The following DCLK1 variants were observed in gnomAD, a reference collection of about 807,000 sequenced individuals.
The protein encoded by DCLK1 is serine/threonine-protein kinase DCLK1.
DCLK1 carries 16 observed loss-of-function variants against 86.2 expected under a neutral mutation model. The ratio of observed to expected loss-of-function variants is 0.19; its 90% confidence interval spans 0.13 to 0.28. The LOEUF (loss-of-function observed/expected upper bound fraction) is 0.28. Among genes scored for constraint, DCLK1 ranks in the 10% least tolerant of loss-of-function variants. DCLK1 has a pLI of 1.00. For missense variants in DCLK1, 590 were observed against 940.2 expected (o/e 0.63, Z 4.87); for synonymous variants, 369 against 370.5 (o/e 1.00, Z 0.05).
At chr13:35,946,812 C>T (rs1318774244) in intron 4 of DCLK1, among the ~76,000 whole-genome samples, 1 of 152,146 alleles carries the variant, frequency 6.6e-6, no homozygotes, top group African/African-American at 2.4e-5. Flanking sequence ...CTCTTTATAA[C>T]CATCCCCTCT....
At chr13:36,127,005 T>C (rs573457769) in intron 1 of DCLK1, among the ~76,000 whole-genome samples, 24 of 152,256 alleles carry the variant, frequency 1.6e-4, no homozygotes, top group South Asian at 4.1e-4. Context: ...GGGCTAATCC[T>C]GGTAGCAGGA....
chr13:35,873,613 T>C lies in DCLK1; in HGVS notation c.824-2273A>G, dbSNP rs540754474. On this transcript the variant is annotated intron_variant, in intron 4 of 16. Transcript: ENST00000360631. ...GTTGGCCAGGCTGGTTTCAAACTCC[T>C]GACCTCAAATGATCCACCCACCTCA... is the stretch of plus-strand genomic sequence containing the variant. 3.9e-5 allele frequency among the ~76,000 whole-genome samples: 6 copies of C among 152,200 alleles called. No individual in the cohort carries two copies. In the South Asian group the frequency reaches 1.2e-3, roughly 32 times the overall value.
intron 4 of DCLK1, among the ~76,000 whole-genome samples, chr13:35,942,735 G>T (rs1023395493): frequency 2.0e-5 from 3 of 152,100 alleles, no homozygotes; most frequent in African/African-American, 7.2e-5. Flanking sequence ...TTAGTCCAAG[G>T]GACTTCAAGA....
At chr13:36,045,360 A>ATATG (rs1555358852) in intron 3 of DCLK1, among the ~76,000 whole-genome samples, 1 of 91,482 alleles carries the variant, frequency 1.1e-5, no homozygotes, top group Non-Finnish European at 2.4e-5. Flanking sequence ...ATATATATAT[A>ATATG]TATATATATA....
At chr13:35,847,996 T>A in intron 6 of DCLK1, 2 of 985,298 alleles carry the variant, frequency 2.0e-6, no homozygotes, top group Non-Finnish European at 2.4e-6. Flanking sequence ...TTTTAACTTT[T>A]GCACTTCTAA....
chr13:36,117,733 G>A (rs1157280133), intron 2 of DCLK1, among the ~76,000 whole-genome samples: 1 of 152,192 alleles, frequency 6.6e-6, no homozygotes. Context: ...ATAGGTGCAA[G>A]ACCTAACTTA....
At chr13:35,946,252 C>T (rs1377829524) in intron 4 of DCLK1, among the ~76,000 whole-genome samples, 2 of 152,168 alleles carry the variant, frequency 1.3e-5, no homozygotes, top group African/African-American at 4.8e-5. Context: ...GGTCTGCCCA[C>T]CTTGGCCTCC....
intron 4 of DCLK1, among the ~76,000 whole-genome samples, chr13:35,930,246 T>C (rs991538904): frequency 2.0e-5 from 3 of 152,254 alleles, no homozygotes; most frequent in Non-Finnish European, 4.4e-5. Flanking sequence ...CAGTAGGCTC[T>C]TAACTAGTAC....
Position 36,025,605 on chromosome 13 carries a change from T to C in DCLK1, c.724-78148A>G, listed in dbSNP as rs563007442. On this transcript the variant is annotated intron_variant, in intron 3 of 16. Coordinates refer to ENST00000360631, the MANE Select transcript of DCLK1 (RefSeq NM_001330071.2). ...ACATGAACGCATCATGAAAACACGA[T>C]AAATTTTCAGGCAAAAGAATGCAAA... Among the ~76,000 whole-genome samples, 113 of 152,272 alleles carry C rather than the reference T, an allele frequency of 7.4e-4. 1 individual carries two copies. The highest frequency in any genetic ancestry group is 1.4e-3 in the Non-Finnish European group (94 of 68,010).
chr13:36,095,770 T>G (rs1350094013), intron 3 of DCLK1, among the ~76,000 whole-genome samples: 1 of 152,156 alleles, frequency 6.6e-6, no homozygotes, highest in Non-Finnish European at 1.5e-5. Flanking sequence ...AGTCATAAGA[T>G]TCTCAAAGGG....
At chr13:36,054,615 T>C (rs1883236222) in intron 3 of DCLK1, among the ~76,000 whole-genome samples, 2 of 151,992 alleles carry the variant, frequency 1.3e-5, no homozygotes. Context: ...TAAAGTAAGA[T>C]AAAAGGACAG....
At chr13:35,854,980 A>C (rs1385551412) in intron 5 of DCLK1, among the ~76,000 whole-genome samples, 1 of 152,194 alleles carries the variant, frequency 6.6e-6, no homozygotes, top group African/African-American at 2.4e-5. Context: ...GAATAAATAT[A>C]AGCACAGATC....
intron 6 of DCLK1, among the ~76,000 whole-genome samples, chr13:35,840,069 G>A (rs144092353): frequency 2.5e-4 from 38 of 152,300 alleles, no homozygotes; most frequent in East Asian, 9.7e-4. Context: ...AGCAGGAGGC[G>A]GTGAGGGGGC....
chr13:35,947,647 C>G (rs1048006735), intron 3 of DCLK1, among the ~76,000 whole-genome samples, 190 bp from the exon 4 acceptor site: 4 of 152,154 alleles, frequency 2.6e-5, no homozygotes, highest in African/African-American at 9.7e-5. Flanking sequence ...CATTTCAGTT[C>G]TGCAGGAAAA....
intron 3 of DCLK1, among the ~76,000 whole-genome samples, chr13:36,006,609 G>A (rs916937231): frequency 3.9e-5 from 6 of 152,258 alleles, no homozygotes; most frequent in Admixed American, 2.6e-4. Flanking sequence ...AAAGGAGGGG[G>A]CGCAGCCCTG....
chr13:35,902,398 A>G (rs563676867), intron 4 of DCLK1, among the ~76,000 whole-genome samples: 3 of 152,334 alleles, frequency 2.0e-5, no homozygotes, highest in African/African-American at 7.2e-5. Flanking sequence ...TTCCAAACAC[A>G]GGGCTCCAGA....
intron 3 of DCLK1, among the ~76,000 whole-genome samples, chr13:36,022,598 C>T (rs766716888): frequency 1.3e-5 from 2 of 151,974 alleles, no homozygotes; most frequent in Non-Finnish European, 2.9e-5. Context: ...CACTTTTGAC[C>T]TTGCAGAAAT....
intron 3 of DCLK1, among the ~76,000 whole-genome samples, chr13:35,962,023 G>C (rs2153137442): frequency 6.6e-6 from 1 of 152,278 alleles, no homozygotes; most frequent in Non-Finnish European, 1.5e-5. Context: ...GTGTTATACT[G>C]CCCTTCAGTG....
At chr13:35,815,159 AT>A (rs1180176302) in intron 11 of DCLK1, among the ~76,000 whole-genome samples, 6 of 152,052 alleles carry the variant, frequency 3.9e-5, no homozygotes, top group Admixed American at 1.3e-4. Context: ...TTTTTTGTTT[AT>A]TTGGGGTTTT....
Sources: gnomAD v4.1 joint callset for allele counts (sites outside exome capture counted in the v4.1 genomes callset) on GRCh38, gnomAD v4.1.1 for gene constraint, MANE v1.5 for transcripts, NCBI Gene and HGNC (gene_info 2026-07-23, HGNC 2026-07-21) for gene names.